The following LAMA2 variants were observed in gnomAD, a reference collection of about 807,000 sequenced individuals.
The protein encoded by LAMA2 is laminin subunit alpha-2.
Under a neutral mutation model 364.8 loss-of-function variants are expected in LAMA2, and 269 were observed. That is an observed-to-expected ratio of 0.74 (90% CI 0.67 to 0.82). The LOEUF (loss-of-function observed/expected upper bound fraction) is 0.82. Among genes scored for constraint, LAMA2 ranks in the 40% least tolerant of loss-of-function variants. The pLI is 0.00. For synonymous variants in LAMA2, 1,379 were observed against 1,370.6 expected, an observed-to-expected ratio of 1.01 and a Z score of -0.14; for missense variants, 3,807 against 3,873.2, an observed-to-expected ratio of 0.98 and a Z score of 0.45.
At chr6:129,406,951 C>A (rs958018075) in intron 40 of LAMA2, among the ~76,000 whole-genome samples, 1 of 152,142 alleles carries the variant, frequency 6.6e-6, no homozygotes, top group Non-Finnish European at 1.5e-5. Flanking sequence ...CCCTGGCAAA[C>A]CCCTGGTGTA....
chr6:129,482,205 C>A (rs1157245532), intron 55 of LAMA2, among the ~76,000 whole-genome samples: 2 of 152,122 alleles, frequency 1.3e-5, no homozygotes, highest in Non-Finnish European at 2.9e-5. Flanking sequence ...CTATTCAGGA[C>A]TGCTATTCAG....
In LAMA2 at chr6:129,250,143, C is replaced by T. The variant is rs112388307; in HGVS notation, c.1814C>T (p.Thr605Ile). ...GCAGTAGGAGGACAGTTGACATTTA[C>T]CATATCATATGACCTTGAAGAAGAG... Reference protein sequence around the residue: ...LPAVGGQLTFTISYDLEEEEE... With the variant: ...LPAVGGQLTFIISYDLEEEEE... The change falls in exon 13 of 65, where the codon ACC (threonine) becomes ATC (isoleucine). Residue 605 changes from threonine to isoleucine, a missense_variant. Thr to Ile is a moderately conservative substitution (Grantham distance 89, BLOSUM62 -1). This residue lies in a region of LAMA2 where 3,333 missense variants were observed against 3,345.7 expected (regional missense o/e 1.00). Coordinates refer to ENST00000421865, the MANE Select transcript of LAMA2 (RefSeq NM_000426.4). The T allele has an allele frequency of 2.1e-4, 330 of 1,608,486 alleles. No individual in the cohort carries two copies. The African/African-American group carries it at 3.7e-3, about 18-fold the overall frequency.
At chr6:128,955,875 TGGGGTGTAGGTA>T (rs1781111271) in intron 1 of LAMA2, among the ~76,000 whole-genome samples, 1 of 151,960 alleles carries the variant, frequency 6.6e-6, no homozygotes, top group Non-Finnish European at 1.5e-5. Flanking sequence ...ACATTAAAGA[TGGGGTGTAGGTA>T]GGGTGGTTGA....
At chr6:128,899,455 T>A (rs943049411) in intron 1 of LAMA2, among the ~76,000 whole-genome samples, 1 of 152,242 alleles carries the variant, frequency 6.6e-6, no homozygotes, top group Non-Finnish European at 1.5e-5. Flanking sequence ...GTATGTTATA[T>A]AATGCTAGGA....
At chr6:129,110,848 C>T (rs991801936) in intron 4 of LAMA2, among the ~76,000 whole-genome samples, 2 of 151,966 alleles carry the variant, frequency 1.3e-5, no homozygotes, top group East Asian at 1.9e-4. Flanking sequence ...GTTTGTGTGA[C>T]ACTGTGTGGA....
Position 128,975,351 on chromosome 6 carries a change from G to T in LAMA2, c.113-74567G>T, listed in dbSNP as rs576418186. Among the ~76,000 whole-genome samples, 8 of 152,208 alleles carry T rather than the reference G, an allele frequency of 5.3e-5. No homozygotes were observed. The South Asian group carries it at 1.2e-3, about 24-fold the overall frequency. The stretch of plus-strand genomic sequence containing the variant: ...GGAGAATTTCAGGCAAATAAAACTT[G>T]CAGTGGGGTTGGGAGTAGGTGGATG... On this transcript the variant is annotated intron_variant, in intron 1 of 64. Transcript: ENST00000421865.
chr6:129,371,758 C>T (rs1778098636), intron 34 of LAMA2, among the ~76,000 whole-genome samples: 1 of 151,952 alleles, frequency 6.6e-6, no homozygotes, highest in Non-Finnish European at 1.5e-5. Context: ...AGGTGTGTGC[C>T]ACCACACCTG....
intron 16 of LAMA2, among the ~76,000 whole-genome samples, chr6:129,268,147 C>T (rs1248066336): frequency 6.6e-6 from 1 of 151,966 alleles, no homozygotes; most frequent in Non-Finnish European, 1.5e-5. Flanking sequence ...GCTTTTGTTT[C>T]AGTGTAATTT....
intron 62 of LAMA2, among the ~76,000 whole-genome samples, chr6:129,508,152 T>C (rs1786256197): frequency 6.6e-6 from 1 of 152,242 alleles, no homozygotes; most frequent in South Asian, 2.1e-4. Context: ...CCAGTATGGT[T>C]TTATATCACT....
At chr6:129,087,586 T>C (rs1443181142) in intron 3 of LAMA2, among the ~76,000 whole-genome samples, 2 of 152,194 alleles carry the variant, frequency 1.3e-5, no homozygotes, top group Admixed American at 6.5e-5. Flanking sequence ...TAATAGATAT[T>C]ACTTTTCCAA....
intron 12 of LAMA2, among the ~76,000 whole-genome samples, chr6:129,240,356 A>G (rs1368200513): frequency 6.6e-6 from 1 of 152,220 alleles, no homozygotes; most frequent in Non-Finnish European, 1.5e-5. Context: ...TCAAGTAGAC[A>G]GTCAATATTA....
intron 34 of LAMA2, among the ~76,000 whole-genome samples, chr6:129,382,395 T>C (rs574008030): frequency 3.0e-4 from 46 of 152,316 alleles, no homozygotes; most frequent in African/African-American, 9.6e-4. Flanking sequence ...CATTCCAGTG[T>C]GTCAAATGAT....
chr6:129,353,260 C>A lies in LAMA2; in HGVS notation c.4620C>A (p.Asp1540Glu), dbSNP rs755373290. ...ATGGCTCACTGCCTGTGCCCTGTGA[C>A]CCTGTCACAGGATTCTGCACGTGCC... ...DPYGSLPVPC[D>E]PVTGFCTCRP... The change falls in exon 32 of 65, where the codon GAC (aspartate) becomes GAA (glutamate). Residue 1540 changes from aspartate to glutamate, a missense_variant. This residue lies in a region of LAMA2 where 3,333 missense variants were observed against 3,345.7 expected (regional missense o/e 1.00). Coordinates refer to ENST00000421865, the MANE Select transcript of LAMA2 (RefSeq NM_000426.4). 6 of 1,614,038 alleles carry A rather than the reference C, an allele frequency of 3.7e-6. No individual in the cohort carries two copies. Among genetic ancestry groups the A allele is most frequent in the Non-Finnish European group, 4.2e-6 (5 of 1,179,946 alleles).
At chr6:128,937,831 T>C in intron 1 of LAMA2, among the ~76,000 whole-genome samples, 1 of 151,742 alleles carries the variant, frequency 6.6e-6, no homozygotes, top group East Asian at 1.9e-4. Context: ...TTTCTATCTT[T>C]GTCTTAGTTT....
intron 6 of LAMA2, among the ~76,000 whole-genome samples, chr6:129,147,509 G>A: frequency 6.6e-6 from 1 of 151,932 alleles, no homozygotes; most frequent in Non-Finnish European, 1.5e-5. Flanking sequence ...GGGTGGAGGG[G>A]GTGGAGTGGG....
chr6:129,485,912 T>G (rs376250508), intron 55 of LAMA2, among the ~76,000 whole-genome samples: 10 of 152,136 alleles, frequency 6.6e-5, no homozygotes, highest in East Asian at 1.9e-4. Flanking sequence ...TGATGGGATA[T>G]CAAAACCACA....
chr6:129,516,252 A>C lies in LAMA2; in HGVS notation c.9274A>C (p.Lys3092Gln). Reference sequence around the variant, plus strand: ...GTTCCGAGGTTGCATCAGATCCCTGAAGCTCACCAAAGGCACAGGCAAGCC... The same window carrying C: ...GTTCCGAGGTTGCATCAGATCCCTGCAGCTCACCAAAGGCACAGGCAAGCC... ...IPFRGCIRSL[K>Q]LTKGTGKPLE... Residue 3092 changes from lysine to glutamine, a missense_variant, in exon 65 of 65, where the codon AAG (lysine) becomes CAG (glutamine). Transcript: ENST00000421865. 6.2e-7 allele frequency: 1 copy of C among 1,614,118 alleles called. No individual in the cohort carries two copies. The highest frequency in any genetic ancestry group is 8.5e-7 in the Non-Finnish European group (1 of 1,180,012).
chr6:129,093,305 T>A (rs993027158), intron 3 of LAMA2, among the ~76,000 whole-genome samples: 3 of 151,878 alleles, frequency 2.0e-5, no homozygotes, highest in Admixed American at 1.3e-4. Flanking sequence ...TTTTTTTTTT[T>A]TTTAAATCAA....
At chr6:129,510,574 A>G (rs1786491544) in intron 62 of LAMA2, among the ~76,000 whole-genome samples, 1 of 152,164 alleles carries the variant, frequency 6.6e-6, no homozygotes, top group African/African-American at 2.4e-5. Flanking sequence ...AGAAATAAGT[A>G]ACATAGTTCT....
Sources: allele counts gnomAD v4.1 joint callset (sites outside exome capture counted in the v4.1 genomes callset), GRCh38; gene constraint gnomAD v4.1.1; regional missense constraint gnomAD v4.1.1; transcripts MANE v1.5; gene names NCBI Gene and HGNC (gene_info 2026-07-23, HGNC 2026-07-21).